PRKN: variants seen among roughly 807,000 people sequenced by gnomAD.
PRKN encodes the protein E3 ubiquitin-protein ligase parkin.
PRKN carries 56 observed loss-of-function variants against 59.5 expected under a neutral mutation model. That is an observed-to-expected ratio of 0.94 (90% CI 0.76 to 1.18). The LOEUF is 1.18. PRKN is among the 50% of genes most tolerant of loss of function. The probability of loss-of-function intolerance (pLI) is 0.00; values close to 1 mark genes in which losing one functional copy is unlikely to be tolerated. For missense variants in PRKN, 657 were observed against 596.4 expected, an observed-to-expected ratio of 1.10 and a Z score of -1.06; for synonymous variants, 250 against 222.1, an observed-to-expected ratio of 1.13 and a Z score of -1.12.
At chr6:161,969,732 T>G (rs187640820) in intron 6 of PRKN, among the ~76,000 whole-genome samples, 113 of 152,300 alleles carry the variant, frequency 7.4e-4, no homozygotes, top group Middle Eastern at 3.4e-3. Context: ...TACAGATAAA[T>G]TAATACTATA....
chr6:162,705,169 G>A (rs1778294845), intron 1 of PRKN, among the ~76,000 whole-genome samples: 1 of 152,118 alleles, frequency 6.6e-6, no homozygotes, highest in Non-Finnish European at 1.5e-5. Flanking sequence ...CCTGCCTGAT[G>A]TGTCAGACAG....
intron 2 of PRKN, among the ~76,000 whole-genome samples, chr6:162,352,482 C>T (rs916314642): frequency 1.6e-4 from 25 of 152,220 alleles, no homozygotes; most frequent in African/African-American, 4.6e-4. Flanking sequence ...AGATAATCTA[C>T]GTGGCAAAAA....
At chr6:161,832,616 T>G (rs1583221245) in intron 6 of PRKN, among the ~76,000 whole-genome samples, 1 of 115,004 alleles carries the variant, frequency 8.7e-6, no homozygotes, top group South Asian at 3.0e-4. Flanking sequence ...AGAGTGAGAT[T>G]CCATCTCAAA....
chr6:162,622,606 T>C (rs2803038), intron 1 of PRKN, among the ~76,000 whole-genome samples: 126,139 of 152,230 alleles, frequency 0.83, 52,577 homozygotes, highest in East Asian at 0.95. Flanking sequence ...ATACAGTTTT[T>C]CCCTAAATAT....
intron 2 of PRKN, among the ~76,000 whole-genome samples, chr6:162,291,739 G>A (rs1458801859): frequency 6.6e-6 from 1 of 151,990 alleles, no homozygotes; most frequent in Admixed American, 6.6e-5. Context: ...TTCCTTTCAT[G>A]TTACCCTGAG....
At chr6:161,509,263 C>T (rs1278980771) in intron 9 of PRKN, among the ~76,000 whole-genome samples, 3 of 151,828 alleles carry the variant, frequency 2.0e-5, no homozygotes, top group African/African-American at 4.8e-5. Flanking sequence ...TCTTGGGCAA[C>T]ACTACCTTCC....
At chr6:162,654,916 G>A (rs974977041) in intron 1 of PRKN, among the ~76,000 whole-genome samples, 1 of 151,848 alleles carries the variant, frequency 6.6e-6, no homozygotes, top group Non-Finnish European at 1.5e-5. Context: ...TTTGGTTCGG[G>A]ACACAGCCAA....
At chr6:162,694,710 T>C (rs79613699) in intron 1 of PRKN, 54 of 152,354 alleles carry the variant, frequency 3.5e-4, no homozygotes, top group African/African-American at 1.2e-3. Context: ...TTAACTCAAT[T>C]TGAATGTGAT....
At chr6:162,354,684 A>T (rs574220764) in intron 2 of PRKN, among the ~76,000 whole-genome samples, 27 of 152,058 alleles carry the variant, frequency 1.8e-4, no homozygotes, top group African/African-American at 5.1e-4. Flanking sequence ...AGATATATAT[A>T]TTTTCAGTTC....
At position 161,405,793 on chromosome 6, in the gene PRKN, G is replaced by A. The variant is rs1196096705; in HGVS notation, c.1084-18916C>T. Among the ~76,000 whole-genome samples the A allele has an allele frequency of 6.6e-6, 1 of 151,992 alleles. No homozygotes were observed. The highest frequency in any genetic ancestry group is 1.5e-5 in the Non-Finnish European group (1 of 68,004). ...GGCCATTTGAGAAGTGGCAACAGGG[G>A]ATCAGCAGAAGGGTTAACTGCCAAG... On this transcript the variant is annotated intron_variant, in intron 9 of 11. Coordinates refer to ENST00000366898, the MANE Select transcript of PRKN (RefSeq NM_004562.3). This position sits in a 1 kb window ranked among gnomAD's most constrained non-coding sequence, Gnocchi z 5.1.
chr6:161,761,633 C>T (rs1342317149), intron 7 of PRKN, among the ~76,000 whole-genome samples: 1 of 152,120 alleles, frequency 6.6e-6, no homozygotes, highest in African/African-American at 2.4e-5. Context: ...AGTAAGAAAA[C>T]CATTCTGAAA....
chr6:161,975,266 T>G (rs962311234), intron 5 of PRKN, among the ~76,000 whole-genome samples: 1 of 151,928 alleles, frequency 6.6e-6, no homozygotes, highest in Non-Finnish European at 1.5e-5. Context: ...TTCGTATTAG[T>G]AGAGACGGGG....
At chr6:161,524,015 T>A (rs887270071) in intron 9 of PRKN, among the ~76,000 whole-genome samples, 39 of 152,248 alleles carry the variant, frequency 2.6e-4, no homozygotes, top group African/African-American at 6.5e-4. Flanking sequence ...TTAAAAAAAT[T>A]TTTTTTCCTA....
intron 6 of PRKN, among the ~76,000 whole-genome samples, chr6:161,834,061 C>A (rs959659061): frequency 6.6e-6 from 1 of 152,036 alleles, no homozygotes; most frequent in Non-Finnish European, 1.5e-5. Flanking sequence ...CCTAAGACAG[C>A]GGCACAGACA....
chr6:162,042,995 T>C (rs553242615), intron 5 of PRKN, among the ~76,000 whole-genome samples: 4 of 152,190 alleles, frequency 2.6e-5, no homozygotes, highest in Non-Finnish European at 5.9e-5. Flanking sequence ...AGAGGCTTCA[T>C]TGGACTTACA....
intron 6 of PRKN, among the ~76,000 whole-genome samples, chr6:161,888,946 A>G (rs981310300): frequency 6.6e-6 from 1 of 152,096 alleles, no homozygotes; most frequent in Non-Finnish European, 1.5e-5. Flanking sequence ...TCATTACCCT[A>G]TTCTGTGCCT....
chr6:162,659,746 G>A (rs34714518), intron 1 of PRKN, among the ~76,000 whole-genome samples: 13,333 of 151,882 alleles, frequency 0.088, 724 homozygotes, highest in Middle Eastern at 0.18. Flanking sequence ...TTTCCCACAG[G>A]TACATTTCAT....
In PRKN at chr6:161,480,661, T is replaced by C. The variant is rs1216890316; in HGVS notation, c.1083+68193A>G. ...ATCGTCTCCTTTGTAGGAAATCACC[T>C]AACTGGAACCTTCAATGGAAGGTAA... On this transcript the variant is annotated intron_variant, in intron 9 of 11. Transcript: ENST00000366898. The surrounding 1 kb of genome is among the most constrained non-coding windows in gnomAD (Gnocchi z 4.1). Among the ~76,000 whole-genome samples, 1 of 152,148 alleles carries C rather than the reference T, an allele frequency of 6.6e-6. No individual in the cohort carries two copies. Among genetic ancestry groups the C allele is most frequent in the Non-Finnish European group, 1.5e-5 (1 of 68,036 alleles).
chr6:162,104,487 A>T (rs1210895172), intron 4 of PRKN, among the ~76,000 whole-genome samples: 1 of 152,224 alleles, frequency 6.6e-6, no homozygotes, highest in Non-Finnish European at 1.5e-5. Context: ...CAAAGACAAC[A>T]ACTAATCATA....
Sources: allele counts gnomAD v4.1 joint callset (sites outside exome capture counted in the v4.1 genomes callset), GRCh38; gene constraint gnomAD v4.1.1; non-coding constraint Gnocchi (gnomAD v3.1); transcripts MANE v1.5; gene names NCBI Gene and HGNC (gene_info 2026-07-23, HGNC 2026-07-21).